The following EPHA3 variants were observed in gnomAD, a reference collection of about 807,000 sequenced individuals.
EPHA3 encodes the protein EPH receptor A3.
In EPHA3, 42 loss-of-function variants were observed where a neutral mutation model predicts 107.1. That is an observed-to-expected ratio of 0.39 (90% CI 0.31 to 0.51). The LOEUF is 0.51. EPHA3 is among the 20% of genes least tolerant of loss of function. The pLI, the probability that EPHA3 is intolerant of heterozygous loss-of-function variation, is 0.78. For synonymous variants in EPHA3, 461 were observed against 424.8 expected, an observed-to-expected ratio of 1.09 and a Z score of -1.05; for missense variants, 1,183 against 1,211.2, an observed-to-expected ratio of 0.98 and a Z score of 0.35.
intron 3 of EPHA3, among the ~76,000 whole-genome samples, chr3:89,278,124 ACTTTT>A (rs958561360): frequency 6.6e-6 from 1 of 152,196 alleles, no homozygotes; most frequent in African/African-American, 2.4e-5. Flanking sequence ...GAGTCAAAAT[ACTTTT>A]CTTTTGGAGA....
intron 3 of EPHA3, among the ~76,000 whole-genome samples, chr3:89,254,701 C>G (rs544229227): frequency 1.9e-4 from 29 of 152,292 alleles, no homozygotes; most frequent in African/African-American, 6.7e-4. Flanking sequence ...AAAGCAAGTT[C>G]TTTTGAATGA....
chr3:89,280,274 A>G (rs544998141), intron 3 of EPHA3, among the ~76,000 whole-genome samples: 158 of 152,310 alleles, frequency 1.0e-3, no homozygotes, highest in African/African-American at 3.6e-3. Flanking sequence ...GGACTTTTCA[A>G]TAGGATTCAA....
intron 3 of EPHA3, among the ~76,000 whole-genome samples, chr3:89,292,032 A>G (rs929360094): frequency 2.0e-5 from 3 of 152,196 alleles, no homozygotes; most frequent in Non-Finnish European, 4.4e-5. Context: ...CTCTGAGAAT[A>G]GTAAGACCAA....
chr3:89,368,689 G>A lies in EPHA3; in HGVS notation c.1306+26599G>A, dbSNP rs1471820219. Among the ~76,000 whole-genome samples the A allele has an allele frequency of 4.0e-5, 6 of 150,306 alleles. 1 individual carries two copies. The highest frequency in any genetic ancestry group is 7.5e-5 in the Non-Finnish European group (5 of 67,084). ...GAGCAAGTTCACTGCCCTCTGCCTT[G>A]TTCTATTTAGGCCTTCAATGGGTTG... On this transcript the variant is annotated intron_variant, in intron 5 of 16. Transcript: ENST00000336596.
chr3:89,446,520 C>A (rs762774856), intron 13 of EPHA3, among the ~76,000 whole-genome samples: 5 of 151,908 alleles, frequency 3.3e-5, no homozygotes, highest in Non-Finnish European at 1.5e-5. Context: ...TCTTTTTAAC[C>A]CTGATTGAAT....
At position 89,419,315 on chromosome 3, in the gene EPHA3, T is replaced by C; in HGVS notation, c.1999T>C (p.Phe667Leu). ...VGYTEKQRRD[F>L]LGEASIMGQF... ...CTACACAGAAAAGCAGAGGAGAGACTTCCTGGGAGAAGCAAGCATTATGGG... is the reference window on the plus strand; with the variant it reads ...CTACACAGAAAAGCAGAGGAGAGACCTCCTGGGAGAAGCAAGCATTATGGG... The change falls in exon 11 of 17, where the codon TTC becomes CTC. Residue 667 changes from phenylalanine to leucine, a missense_variant. Phe to Leu is a conservative substitution (Grantham distance 22, BLOSUM62 0). Coordinates refer to ENST00000336596, the MANE Select transcript of EPHA3 (RefSeq NM_005233.6). 1 of 1,610,372 alleles carries C rather than the reference T, an allele frequency of 6.2e-7. No homozygotes were observed. Among genetic ancestry groups the C allele is most frequent in the Non-Finnish European group, 8.5e-7 (1 of 1,177,688 alleles).
intron 3 of EPHA3, among the ~76,000 whole-genome samples, chr3:89,323,374 TA>T (rs1427606307): frequency 1.3e-5 from 2 of 152,136 alleles, no homozygotes; most frequent in Non-Finnish European, 2.9e-5. Context: ...TTCAGTTACA[TA>T]TATAGTAACT....
In EPHA3 at chr3:89,338,610, G is replaced by A. The variant is rs184880040; in HGVS notation, c.815-2306G>A. On this transcript the variant is annotated intron_variant, in intron 3 of 16. Transcript: ENST00000336596. ...GTCGCCCAGGCCGGACTGCAGTGGC[G>A]CTATCTGGGCTCACTGCAAGCTCCG... is the stretch of plus-strand genomic sequence containing the variant. Among the ~76,000 whole-genome samples the A allele has an allele frequency of 4.6e-5, 7 of 152,266 alleles. No homozygotes were observed. In the South Asian group the frequency reaches 8.3e-4, roughly 18 times the overall value.
chr3:89,176,799 T>C (rs549072856), intron 2 of EPHA3, among the ~76,000 whole-genome samples: 2 of 152,348 alleles, frequency 1.3e-5, no homozygotes, highest in East Asian at 3.9e-4. Flanking sequence ...AATTTATCTG[T>C]AATATACCAT....
At chr3:89,349,578 A>G (rs1576327470) in intron 5 of EPHA3, among the ~76,000 whole-genome samples, 4 of 145,164 alleles carry the variant, frequency 2.8e-5, no homozygotes, top group African/African-American at 5.1e-5. Flanking sequence ...CCAATTTGCC[A>G]GTCTGTGTCT....
intron 3 of EPHA3, among the ~76,000 whole-genome samples, chr3:89,236,212 C>T (rs1390552457): frequency 2.0e-5 from 3 of 151,884 alleles, no homozygotes; most frequent in Non-Finnish European, 4.4e-5. Flanking sequence ...TAAACTAAGC[C>T]TTTCTTCTCC....
At chr3:89,426,291 G>A (rs1346021215) in intron 11 of EPHA3, among the ~76,000 whole-genome samples, 1 of 151,700 alleles carries the variant, frequency 6.6e-6, no homozygotes, top group Non-Finnish European at 1.5e-5. Flanking sequence ...ATGCATGTTG[G>A]AACTAGTTCT....
chr3:89,473,164 A>AGTTATAATTAG (rs150837250), intron 16 of EPHA3, among the ~76,000 whole-genome samples: 28,893 of 151,982 alleles, frequency 0.19, 3,307 homozygotes, highest in Non-Finnish European at 0.24. Context: ...TAGAAAATGA[A>AGTTATAATTAG]GTTATAATTA....
rs564462502 is a variant in EPHA3, at chr3:89,326,236, T to G, written c.815-14680T>G. Among the ~76,000 whole-genome samples, 8 of 152,240 alleles carry G rather than the reference T, an allele frequency of 5.3e-5. No homozygotes were observed. In the South Asian group the frequency reaches 1.5e-3, roughly 28 times the overall value. Reference sequence around the variant, plus strand: ...TCAAGTCCCTTGTATATAATAGTGTTGTATTTGCAAATAGCCTATTGCATG... The same window carrying G: ...TCAAGTCCCTTGTATATAATAGTGTGGTATTTGCAAATAGCCTATTGCATG... On this transcript the variant is annotated intron_variant, in intron 3 of 16. Transcript: ENST00000336596.
chr3:89,411,051 A>T (rs181310222), intron 9 of EPHA3, among the ~76,000 whole-genome samples: 1 of 152,040 alleles, frequency 6.6e-6, no homozygotes, highest in Non-Finnish European at 1.5e-5. Context: ...TATATTAATA[A>T]TTGTAAATAA....
chr3:89,266,801 A>G (rs1213804105), intron 3 of EPHA3, among the ~76,000 whole-genome samples: 4 of 152,124 alleles, frequency 2.6e-5, no homozygotes, highest in African/African-American at 9.7e-5. Context: ...ATAACAAATG[A>G]GTAGACACAC....
intron 12 of EPHA3, among the ~76,000 whole-genome samples, chr3:89,430,101 A>G (rs1251410639): frequency 6.6e-6 from 1 of 152,124 alleles, no homozygotes; most frequent in African/African-American, 2.4e-5. Flanking sequence ...AAGAAAGTGA[A>G]TATATTAAAT....
At chr3:89,227,323 C>T (rs1157278224) in intron 3 of EPHA3, among the ~76,000 whole-genome samples, 1 of 151,918 alleles carries the variant, frequency 6.6e-6, no homozygotes, top group African/African-American at 2.4e-5. Flanking sequence ...AACAGCTACT[C>T]TCTTGGAGGT....
intron 13 of EPHA3, among the ~76,000 whole-genome samples, chr3:89,436,010 G>A (rs779071894): frequency 1.5e-4 from 23 of 151,454 alleles, no homozygotes; most frequent in African/African-American, 2.4e-4. Flanking sequence ...GCATGGAGAC[G>A]CTCACCTGTG....
Sources: allele counts gnomAD v4.1 joint callset (sites outside exome capture counted in the v4.1 genomes callset), GRCh38; gene constraint gnomAD v4.1.1; transcripts MANE v1.5; gene names NCBI Gene and HGNC (gene_info 2026-07-23, HGNC 2026-07-21).